Variants in PRKD3 observed in about 807,000 individuals in gnomAD.
The protein encoded by PRKD3 is protein kinase D3.
Under a neutral mutation model 99.2 loss-of-function variants are expected in PRKD3, and 47 were observed. The observed-to-expected ratio is 0.47, with a 90% CI of 0.38 to 0.60. The LOEUF is 0.60. Ranked by LOEUF, PRKD3 falls within the 20% of genes least tolerant of loss-of-function variation. The pLI is 0.00. For missense variants in PRKD3, 1,019 were observed against 1,088.4 expected (o/e 0.94, Z 0.90); for synonymous variants, 392 against 355.4 (o/e 1.10, Z -1.16).
At chr2:37,265,584 A>T (rs1668782788) in intron 14 of PRKD3, among the ~76,000 whole-genome samples, 1 of 152,172 alleles carries the variant, frequency 6.6e-6, no homozygotes, top group South Asian at 2.1e-4. Context: ...CTTAGATTCA[A>T]ACTCTGAATC....
At chr2:37,300,776 T>C (rs1262530148) in intron 2 of PRKD3, among the ~76,000 whole-genome samples, 1 of 152,218 alleles carries the variant, frequency 6.6e-6, no homozygotes, top group Non-Finnish European at 1.5e-5. Context: ...CCTATGTACA[T>C]ATCTTTTCCC....
chr2:37,306,677 C>G (rs1263176841), intron 2 of PRKD3, among the ~76,000 whole-genome samples: 2 of 152,044 alleles, frequency 1.3e-5, no homozygotes, highest in Non-Finnish European at 2.9e-5. Flanking sequence ...AGCGTGGTGG[C>G]CGGAGTCTGT....
chr2:37,287,192 T>G (rs1231187577), intron 5 of PRKD3, among the ~76,000 whole-genome samples: 1 of 121,868 alleles, frequency 8.2e-6, no homozygotes, highest in Admixed American at 1.2e-4. Context: ...ATCATGCCAT[T>G]GGACTCCAGC....
chr2:37,297,404 AC>A (rs1420752916), intron 2 of PRKD3, among the ~76,000 whole-genome samples: 5 of 152,174 alleles, frequency 3.3e-5, no homozygotes, highest in African/African-American at 1.2e-4. Flanking sequence ...CCTGTATACT[AC>A]CCCATACCCA....
At chr2:37,283,900 CA>C (rs397872003) in intron 6 of PRKD3, among the ~76,000 whole-genome samples, 195 of 89,664 alleles carry the variant, frequency 2.2e-3, no homozygotes, top group Middle Eastern at 5.7e-3. Context: ...GACTCTGTCT[CA>C]AAAAAAAAAA....
At chr2:37,317,757 T>A (rs191115347) in intron 1 of PRKD3, 1 of 152,056 alleles carries the variant, frequency 6.6e-6, no homozygotes, top group Non-Finnish European at 1.5e-5. Flanking sequence ...GACATACTTA[T>A]CACAGGAACA....
rs1464396330 is a variant in PRKD3, at chr2:37,313,586, T to TA, written c.288+2650dup. 4.6e-5 allele frequency among the ~76,000 whole-genome samples: 7 copies of TA among 152,230 alleles called. 1 individual carries two copies. The East Asian group carries it at 9.6e-4, about 21-fold the overall frequency. On this transcript the variant is annotated intron_variant, in intron 2 of 18. Transcript: ENST00000234179. The stretch of plus-strand genomic sequence containing the variant: ...TACCCAACTATTAATACATGCAAGC[T>TA]AAAAAAATCCTACTTTACATAGGAA...
chr2:37,259,962 C>T lies in PRKD3; in HGVS notation c.2046+261G>A, dbSNP rs186838433. On this transcript the variant is annotated intron_variant, in intron 15 of 18. Coordinates refer to ENST00000234179, the MANE Select transcript of PRKD3 (RefSeq NM_005813.6). ...GGTGGATCACTTGAGGCAAGGAGTT[C>T]GAGACCAGCCTGGCCAACACGGTGA... Among the ~76,000 whole-genome samples, 9 of 152,140 alleles carry T rather than the reference C, an allele frequency of 5.9e-5. No individual in the cohort carries two copies. In the East Asian group the frequency reaches 7.7e-4, roughly 13 times the overall value.
Position 37,286,289 on chromosome 2 carries a change from G to C in PRKD3, c.798C>G (p.Cys266Trp), listed in dbSNP as rs974597349. 6.2e-7 allele frequency: 1 copy of C among 1,613,940 alleles called. No homozygotes were observed. The highest frequency in any genetic ancestry group is 8.5e-7 in the Non-Finnish European group (1 of 1,179,854). Residue 266 changes from cysteine (C) to tryptophan (W), a missense_variant, in exon 6 of 19, where the codon TGC becomes TGG. Physicochemically the swap from Cys to Trp is radical, Grantham distance 215. Transcript: ENST00000234179. ...CAAATGTGTGTGGAACTTTCACTCTGCACATTACCATCTTTTCCATCCAGA... is the reference window on the plus strand; with the variant it reads ...CAAATGTGTGTGGAACTTTCACTCTCCACATTACCATCTTTTCCATCCAGA... Reference protein sequence around the residue: ...RPIWMEKMVMCRVKVPHTFAV... With the variant: ...RPIWMEKMVMWRVKVPHTFAV...
At chr2:37,256,984 C>A in intron 16 of PRKD3, 55 bp from the exon 17 acceptor site, 2 of 1,567,556 alleles carry the variant, frequency 1.3e-6, no homozygotes, top group Non-Finnish European at 1.7e-6. Flanking sequence ...TATGTAACTA[C>A]CTGTCCCTAA....
Position 37,274,495 on chromosome 2 carries a change from GCT to G in PRKD3, c.1575_1576del (p.Lys525AsnfsTer36), listed in dbSNP as rs1228805107. The G allele has an allele frequency of 6.2e-7, 1 of 1,614,140 alleles. No individual in the cohort carries two copies. Among genetic ancestry groups the G allele is most frequent in the South Asian group, 1.1e-5 (1 of 91,086 alleles). On this transcript the variant is annotated frameshift_variant, in exon 11 of 19. Transcript: ENST00000234179. LOFTEE classifies it high-confidence loss of function. ...AACAGGCATGAGGGCTTGGCGAATT[GCT>G]TTTTCCCAGCTCTGTGCTACATCAA...
Position 37,251,612 on chromosome 2 carries a change from C to T in PRKD3, c.*1565G>A, listed in dbSNP as rs1667499742. The T allele has an allele frequency of 2.0e-5, 3 of 152,046 alleles. No individual in the cohort carries two copies. The highest frequency in any genetic ancestry group is 3.9e-4 in the East Asian group (2 of 5,156). The allele number at this position is 152,046 out of a possible 1,614,324, so 9.4% of individuals were successfully genotyped here. ...TTCTCAGTCTGTTCATGTACCAGAA[C>T]ATTCTTTTTTTTTTTTGCTACCTCA... On this transcript the variant is annotated 3_prime_UTR_variant, in exon 19 of 19. Transcript: ENST00000234179.
chr2:37,303,555 A>T (rs1004253875), intron 2 of PRKD3, among the ~76,000 whole-genome samples: 1 of 151,984 alleles, frequency 6.6e-6, no homozygotes, highest in Non-Finnish European at 1.5e-5. Context: ...ACAGGTATGA[A>T]GTCTGCTCCT....
chr2:37,284,447 C>G (rs1669994205), intron 6 of PRKD3, among the ~76,000 whole-genome samples: 1 of 152,080 alleles, frequency 6.6e-6, no homozygotes, highest in Admixed American at 6.6e-5. Context: ...AAATACTGTA[C>G]TTTTCTGCAT....
chr2:37,283,423 T>C (rs1053514102), intron 6 of PRKD3, among the ~76,000 whole-genome samples: 1 of 152,230 alleles, frequency 6.6e-6, no homozygotes, highest in African/African-American at 2.4e-5. Flanking sequence ...AGTCCTGACT[T>C]AGAATGTTTT....
chr2:37,308,538 T>TCCCCC (rs1166547618), intron 2 of PRKD3, among the ~76,000 whole-genome samples: 4 of 19,098 alleles, frequency 2.1e-4, no homozygotes, highest in Non-Finnish European at 3.9e-4. Flanking sequence ...CCCACCTCCC[T>TCCCCC]CCCCACCCAG....
intron 14 of PRKD3, among the ~76,000 whole-genome samples, chr2:37,262,806 AG>A (rs1448550649): frequency 6.6e-6 from 1 of 152,104 alleles, no homozygotes; most frequent in African/African-American, 2.4e-5. Context: ...AGTATGTTTT[AG>A]TAAGTTATAC....
At chr2:37,279,586 T>C (rs554857681) in intron 8 of PRKD3, among the ~76,000 whole-genome samples, 160 bp downstream of exon 8, 2 of 152,306 alleles carry the variant, frequency 1.3e-5, no homozygotes, top group East Asian at 3.9e-4. Flanking sequence ...TGATATAATT[T>C]ATTTCAGAAA....
chr2:37,310,851 C>G (rs1439019508), intron 2 of PRKD3, among the ~76,000 whole-genome samples: 2 of 152,144 alleles, frequency 1.3e-5, no homozygotes, highest in African/African-American at 2.4e-5. Context: ...TGTAAGTAAT[C>G]TTGCAATAAT....
Sources: gnomAD v4.1 joint callset for allele counts (sites outside exome capture counted in the v4.1 genomes callset) on GRCh38, gnomAD v4.1.1 for gene constraint, MANE v1.5 for transcripts, NCBI Gene and HGNC (gene_info 2026-07-23, HGNC 2026-07-21) for gene names.